The following PTPRD variants were observed in gnomAD, a reference collection of about 807,000 sequenced individuals.
PTPRD encodes receptor-type tyrosine-protein phosphatase delta.
In PTPRD, 34 loss-of-function variants were observed where a neutral mutation model predicts 214.5. The ratio of observed to expected loss-of-function variants is 0.16; its 90% CI spans 0.12 to 0.21. The LOEUF (loss-of-function observed/expected upper bound fraction) is 0.21. Ranked by LOEUF, PTPRD falls within the 10% of genes least tolerant of loss-of-function variation. The probability of loss-of-function intolerance (pLI) is 1.00; values close to 1 mark genes in which losing one functional copy is unlikely to be tolerated. For missense variants in PTPRD, 2,545 were observed against 2,398.7 expected (o/e 1.06, Z -1.27); for synonymous variants, 1,128 against 845.7 (o/e 1.33, Z -5.79).
At chr9:10,095,622 C>T (rs2098475575) in intron 3 of PTPRD, among the ~76,000 whole-genome samples, 1 of 151,518 alleles carries the variant, frequency 6.6e-6, no homozygotes, top group Middle Eastern at 3.4e-3. Context: ...AGATAATATG[C>T]ATAGATTTTA....
At chr9:9,844,089 A>C (rs981814768) in intron 5 of PTPRD, among the ~76,000 whole-genome samples, 1 of 152,032 alleles carries the variant, frequency 6.6e-6, no homozygotes, top group East Asian at 1.9e-4. Flanking sequence ...GATTTTGTTA[A>C]TAAAATCCTA....
intron 2 of PTPRD, among the ~76,000 whole-genome samples, chr9:10,475,717 C>A (rs918153263): frequency 1.3e-5 from 2 of 151,984 alleles, no homozygotes; most frequent in Non-Finnish European, 2.9e-5. Flanking sequence ...TAACATGATG[C>A]AAAAATTCTC....
intron 2 of PTPRD, among the ~76,000 whole-genome samples, chr9:10,392,364 C>G (rs371797838): frequency 8.6e-5 from 13 of 151,434 alleles, no homozygotes; most frequent in African/African-American, 3.1e-4. Context: ...TTGAGATCAC[C>G]TGATTAGATA....
chr9:9,893,271 T>C (rs1011879455), intron 5 of PTPRD, among the ~76,000 whole-genome samples: 1 of 151,904 alleles, frequency 6.6e-6, no homozygotes, highest in Admixed American at 6.6e-5. Context: ...AATCTACACA[T>C]AGCAATACTA....
chr9:10,216,291 G>A (rs1484601823), intron 3 of PTPRD, among the ~76,000 whole-genome samples: 8 of 151,746 alleles, frequency 5.3e-5, no homozygotes, highest in Non-Finnish European at 1.2e-4. Flanking sequence ...GAGAAGGAGT[G>A]CAGGTAGAAG....
rs2098745263 is a variant in PTPRD, at chr9:10,439,519, A to C, written c.-599-98502T>G. On this transcript the variant is annotated intron_variant, in intron 2 of 45. Transcript: ENST00000381196. ...AGGTAGTGGTCTTGGACACATATTT[A>C]AGGGTGAAGAACAGAATGAAAAACT... 2.0e-5 allele frequency among the ~76,000 whole-genome samples: 3 copies of C among 151,856 alleles called. No individual in the cohort carries two copies. In the East Asian group the frequency reaches 5.8e-4, roughly 29 times the overall value.
At chr9:10,505,647 T>A (rs916693592) in intron 2 of PTPRD, among the ~76,000 whole-genome samples, 1 of 151,738 alleles carries the variant, frequency 6.6e-6, no homozygotes, top group Non-Finnish European at 1.5e-5. Context: ...CAAAGCCACA[T>A]CTTTCTCCAC....
chr9:10,271,241 T>C (rs570919193), intron 3 of PTPRD, among the ~76,000 whole-genome samples: 2 of 152,270 alleles, frequency 1.3e-5, no homozygotes, highest in East Asian at 3.9e-4. Context: ...TAAAATGTTA[T>C]TTTATAAATA....
intron 44 of PTPRD, 61 bp downstream of exon 44, chr9:8,331,512 CAAAAAGTGT>C: frequency 6.5e-7 from 1 of 1,544,534 alleles, no homozygotes; most frequent in Non-Finnish European, 8.8e-7. Flanking sequence ...AAACTTACTA[CAAAAAGTGT>C]ATACAGACAA....
chr9:8,699,103 G>A (rs1289442017), intron 12 of PTPRD, among the ~76,000 whole-genome samples: 1 of 152,080 alleles, frequency 6.6e-6, no homozygotes, highest in Non-Finnish European at 1.5e-5. Flanking sequence ...CAGAATTCCT[G>A]AATAATGAAA....
At position 8,331,648 on chromosome 9, in the gene PTPRD, A is replaced by G. The variant is rs1358910068; in HGVS notation, c.5468T>C (p.Phe1823Ser). The G allele has an allele frequency of 1.2e-6, 2 of 1,613,694 alleles. No homozygotes were observed. The highest frequency in any genetic ancestry group is 3.3e-5 in the Admixed American group (2 of 59,970). Residue 1823 changes from phenylalanine to serine, a missense_variant, in exon 44 of 46, where the codon TTC becomes TCC. Physicochemically the swap from Phe to Ser is radical, Grantham distance 155. Transcript: ENST00000381196. ...TTTTGTTTTATGGACTTGGCCGATG[A>G]AGTCAATAAATCCTTCTCCGGACTT... The part of the protein sequence containing the change: ...VPKSGEGFID[F>S]IGQVHKTKEQ...
At chr9:10,128,269 T>C (rs1243359219) in intron 3 of PTPRD, among the ~76,000 whole-genome samples, 1 of 152,142 alleles carries the variant, frequency 6.6e-6, no homozygotes, top group East Asian at 1.9e-4. Context: ...GTGACATAAT[T>C]TGGAAATAAG....
chr9:9,862,623 A>C (rs897237842), intron 5 of PTPRD, among the ~76,000 whole-genome samples: 2 of 151,150 alleles, frequency 1.3e-5, no homozygotes, highest in Non-Finnish European at 2.9e-5. Flanking sequence ...TACTCAGAGG[A>C]GAAATGATTT....
chr9:9,990,598 A>G (rs10217554), intron 4 of PTPRD, among the ~76,000 whole-genome samples: 106,725 of 152,170 alleles, frequency 0.7, 37,938 homozygotes, highest in Middle Eastern at 0.79. Flanking sequence ...CCCCTACACA[A>G]TCAGCTGGAA....
At chr9:8,676,943 G>T (rs1596675137) in intron 12 of PTPRD, among the ~76,000 whole-genome samples, 2 of 152,286 alleles carry the variant, frequency 1.3e-5, no homozygotes, top group East Asian at 3.9e-4. Context: ...CCCAAAATAA[G>T]TCTGTAAAAA....
intron 8 of PTPRD, among the ~76,000 whole-genome samples, chr9:9,478,562 G>C (rs1273701605): frequency 6.6e-6 from 1 of 152,146 alleles, no homozygotes; most frequent in Non-Finnish European, 1.5e-5. Context: ...TAAGTAAACA[G>C]ATCTTGCCAC....
chr9:10,108,272 G>A (rs951982883), intron 3 of PTPRD, among the ~76,000 whole-genome samples: 1 of 152,052 alleles, frequency 6.6e-6, no homozygotes, highest in Non-Finnish European at 1.5e-5. Flanking sequence ...GCTAAATCAA[G>A]CCAATTAACA....
At chr9:8,624,215 G>T (rs1419072682) in intron 14 of PTPRD, among the ~76,000 whole-genome samples, 1 of 151,670 alleles carries the variant, frequency 6.6e-6, no homozygotes, top group East Asian at 1.9e-4. Context: ...AATGTAACAG[G>T]GGGAAAAAAA....
intron 2 of PTPRD, among the ~76,000 whole-genome samples, chr9:10,467,763 C>T (rs1228541702): frequency 6.6e-6 from 1 of 152,006 alleles, no homozygotes; most frequent in Non-Finnish European, 1.5e-5. Context: ...AGGATAGCTA[C>T]ATAGAAAATG....
Sources: allele counts gnomAD v4.1 joint callset (sites outside exome capture counted in the v4.1 genomes callset), GRCh38; gene constraint gnomAD v4.1.1; transcripts MANE v1.5; gene names NCBI Gene and HGNC (gene_info 2026-07-23, HGNC 2026-07-21).